Variants in HELZ observed in about 807,000 individuals in gnomAD.
HELZ encodes the protein helicase with zinc finger.
HELZ carries 23 observed loss-of-function variants against 218.2 expected under a neutral mutation model. That is an observed-to-expected ratio of 0.11 (90% confidence interval 0.08 to 0.15). HELZ has a LOEUF of 0.15. Ranked by LOEUF, HELZ falls within the 10% of genes least tolerant of loss-of-function variation. The probability of loss-of-function intolerance (pLI) is 1.00; values close to 1 mark genes in which losing one functional copy is unlikely to be tolerated. For missense variants in HELZ, 1,813 were observed against 2,353.7 expected, an observed-to-expected ratio of 0.77 and a Z score of 4.75; for synonymous variants, 814 against 829.4, an observed-to-expected ratio of 0.98 and a Z score of 0.32.
chr17:67,108,457 G>A lies in HELZ; in HGVS notation c.4724+35C>T, dbSNP rs1007291634. 9.4e-6 allele frequency: 14 copies of A among 1,483,150 alleles called. No homozygotes were observed. In the African/African-American group the frequency reaches 1.2e-4, roughly 13 times the overall value. 91.9% of individuals were successfully genotyped at this position (1,483,150 alleles called of 1,614,324 possible). A position where few individuals can be genotyped will look rare whatever the true frequency, so the allele number is the denominator to read the frequency against. On this transcript the variant is annotated intron_variant, in intron 30 of 32. Coordinates refer to ENST00000358691, the MANE Select transcript of HELZ (RefSeq NM_014877.4). The surrounding 1 kb of genome is among the most constrained non-coding windows in gnomAD (Gnocchi z 4.1). ...CAAAAAAGAGAACAGTGAGGGGGTC[G>A]CATTCCAGGGGCTATTTTCAGTCCG...
At chr17:67,171,838 T>G (rs986355728) in intron 13 of HELZ, among the ~76,000 whole-genome samples, 30 of 111,918 alleles carry the variant, frequency 2.7e-4, no homozygotes, top group African/African-American at 1.3e-3. Flanking sequence ...TTTTGTTTTG[T>G]TTTTTTTTTT....
chr17:67,237,290 A>C (rs987600576), intron 3 of HELZ, among the ~76,000 whole-genome samples: 1 of 152,190 alleles, frequency 6.6e-6, no homozygotes, highest in African/African-American at 2.4e-5. Context: ...GTCTCGAAAA[A>C]AAACAATTTT....
At chr17:67,180,770 C>T (rs1192084510) in intron 12 of HELZ, among the ~76,000 whole-genome samples, 12 of 148,822 alleles carry the variant, frequency 8.1e-5, no homozygotes, top group Non-Finnish European at 3.0e-5. Flanking sequence ...CCCAGCTACT[C>T]GGGAGGCTGA....
chr17:67,145,251 C>G (rs893522987), intron 21 of HELZ, among the ~76,000 whole-genome samples: 1 of 152,144 alleles, frequency 6.6e-6, no homozygotes, highest in Non-Finnish European at 1.5e-5. Flanking sequence ...CTTCAAACTA[C>G]TCACATGCTC....
chr17:67,245,050 G>C lies in HELZ; in HGVS notation c.-132+98C>G, dbSNP rs537585077. The stretch of plus-strand genomic sequence containing the variant: ...CTGCCCCGGGGCCGCCGCGCCCGGG[G>C]TCCGGGACACCGGAGGGGAGTCGGG... On this transcript the variant is annotated intron_variant, in intron 1 of 32. Coordinates refer to ENST00000358691, the MANE Select transcript of HELZ (RefSeq NM_014877.4). 402 of 984,804 alleles carry C rather than the reference G, an allele frequency of 4.1e-4. No individual in the cohort carries two copies. The South Asian group carries it at 5.9e-3, about 15-fold the overall frequency. The allele number at this position is 984,804 out of a possible 1,614,324, so 61.0% of individuals were successfully genotyped here.
rs2037138398 is a variant in HELZ, at chr17:67,107,405, G to A, written c.5005C>T (p.Leu1669Phe). 3 of 1,614,082 alleles carry A rather than the reference G, an allele frequency of 1.9e-6. No individual in the cohort carries two copies. Among genetic ancestry groups the A allele is most frequent in the East Asian group, 4.5e-5 (2 of 44,896 alleles). Residue 1669 changes from leucine (L) to phenylalanine (F), a missense_variant, in exon 31 of 33, where the codon CTT becomes TTT. Leu to Phe is a conservative substitution (Grantham distance 22, BLOSUM62 0). Coordinates refer to ENST00000358691, the MANE Select transcript of HELZ (RefSeq NM_014877.4). ...AGGTATTTCAAGGGAGGAGGGGCAA[G>A]GTGTTCAGATGGCAACGAGAAAGGT... ...NSPFSLPSEHLAPPPLKYLAP... is the reference protein window; with the variant it reads ...NSPFSLPSEHFAPPPLKYLAP...
Position 67,072,311 on chromosome 17 carries a change from G to A in HELZ, c.*5941C>T, listed in dbSNP as rs530118730. ...AGATCATGCCACTGTACTCCAGCCA[G>A]GGCAACAGAGCGAGACTCTGCCCCG... On this transcript the variant is annotated 3_prime_UTR_variant, in exon 33 of 33. Coordinates refer to ENST00000358691, the MANE Select transcript of HELZ (RefSeq NM_014877.4). 1 of 152,540 alleles carries A rather than the reference G, an allele frequency of 6.6e-6. No individual in the cohort carries two copies. Among genetic ancestry groups the A allele is most frequent in the Non-Finnish European group, 1.5e-5 (1 of 68,100 alleles). 9.4% of individuals were successfully genotyped at this position (152,540 alleles called of 1,614,324 possible). A position where few individuals can be genotyped will look rare whatever the true frequency, so the allele number is the denominator to read the frequency against.
At chr17:67,088,277 T>C (rs894128692) in intron 31 of HELZ, among the ~76,000 whole-genome samples, 1 of 152,238 alleles carries the variant, frequency 6.6e-6, no homozygotes, top group East Asian at 1.9e-4. Context: ...CTGTTCAGTC[T>C]GTGGTCAGTT....
intron 32 of HELZ, among the ~76,000 whole-genome samples, chr17:67,080,437 G>A (rs1183725847): frequency 1.3e-5 from 2 of 152,070 alleles, no homozygotes; most frequent in African/African-American, 4.8e-5. Flanking sequence ...GATAAATTCT[G>A]GATATTCTCA....
Position 67,203,360 on chromosome 17 carries a change from C to A in HELZ, c.331G>T (p.Val111Leu), listed in dbSNP as rs773614996. The A allele has an allele frequency of 4.3e-6, 7 of 1,614,120 alleles. No homozygotes were observed. Among genetic ancestry groups the A allele is most frequent in the Middle Eastern group, 3.3e-4 (2 of 6,060 alleles). The change falls in exon 6 of 33, where the codon GTA (valine) becomes TTA (leucine). Residue 111 changes from valine (V) to leucine (L), a missense_variant. Coordinates refer to ENST00000358691, the MANE Select transcript of HELZ (RefSeq NM_014877.4). Reference protein sequence around the residue: ...CMQLKGKLQPVSTILAKSLTG... With the variant: ...CMQLKGKLQPLSTILAKSLTG... ...AGTGACTTGGCAAGAATGGTGGATACAGGTTGGAGCTTCCCTTTCAGCTGC... is the reference window on the plus strand; with the variant it reads ...AGTGACTTGGCAAGAATGGTGGATAAAGGTTGGAGCTTCCCTTTCAGCTGC...
At chr17:67,245,393 T>C, upstream of HELZ, 3 of 826,528 alleles carry the variant, frequency 3.6e-6, no homozygotes, top group South Asian at 1.1e-4. Context: ...ACCCGCATTT[T>C]TAAAACGTGG....
chr17:67,139,760 A>G (rs2038264955), intron 21 of HELZ, among the ~76,000 whole-genome samples: 1 of 152,176 alleles, frequency 6.6e-6, no homozygotes, highest in Non-Finnish European at 1.5e-5. Context: ...CACAGCTCTT[A>G]CAGAACTGTT....
chr17:67,146,483 G>A lies in HELZ; in HGVS notation c.2622-593C>T, dbSNP rs547132683. On this transcript the variant is annotated intron_variant, in intron 20 of 32. Transcript: ENST00000358691. ...GGCTATGCCATCTAGGTTAGTGTAA[G>A]TTCACTCTGTGATGTTCACACAACA... Among the ~76,000 whole-genome samples the A allele has an allele frequency of 9.2e-5, 14 of 152,290 alleles. 1 individual carries two copies. In the South Asian group the frequency reaches 1.2e-3, roughly 14 times the overall value.
intron 32 of HELZ, among the ~76,000 whole-genome samples, chr17:67,085,078 G>A (rs1292511218): frequency 6.6e-6 from 1 of 151,960 alleles, no homozygotes; most frequent in Non-Finnish European, 1.5e-5. Context: ...CTACACTCTA[G>A]CCACGGTGAC....
At chr17:67,137,264 A>G (rs997302982) in intron 22 of HELZ, among the ~76,000 whole-genome samples, 3 of 152,150 alleles carry the variant, frequency 2.0e-5, no homozygotes, top group African/African-American at 7.2e-5. Context: ...TTCTCATGGC[A>G]GTGTCTTGAT....
intron 5 of HELZ, among the ~76,000 whole-genome samples, chr17:67,204,693 G>GT (rs1231319743): frequency 6.6e-6 from 1 of 151,866 alleles, no homozygotes; most frequent in Non-Finnish European, 1.5e-5. Context: ...ATTTGACAGG[G>GT]TTTTATTCAA....
In HELZ at chr17:67,093,894, T is replaced by C. The variant is rs923206011; in HGVS notation, c.5242-6813A>G. The stretch of plus-strand genomic sequence containing the variant: ...TTAGCCTTATAAAACTCAATCATAA[T>C]GACAGAAGCAAAAATTTATCTTAGT... On this transcript the variant is annotated intron_variant, in intron 31 of 32. Coordinates refer to ENST00000358691, the MANE Select transcript of HELZ (RefSeq NM_014877.4). Among the ~76,000 whole-genome samples the C allele has an allele frequency of 4.6e-5, 7 of 152,328 alleles. No individual in the cohort carries two copies. The South Asian group carries it at 1.5e-3, about 32-fold the overall frequency.
At chr17:67,151,965 T>C (rs749694108) in intron 17 of HELZ, among the ~76,000 whole-genome samples, 2 of 152,182 alleles carry the variant, frequency 1.3e-5, no homozygotes, top group African/African-American at 2.4e-5. Context: ...GCAGATCACA[T>C]AGGGCTTGTG....
intron 25 of HELZ, among the ~76,000 whole-genome samples, chr17:67,123,666 A>C (rs7210564): frequency 0.047 from 7,107 of 152,266 alleles, 525 homozygotes; most frequent in African/African-American, 0.16. Context: ...CTGAAAATTT[A>C]TGTTGCATAA....
Sources: gnomAD v4.1 joint callset for allele counts (sites outside exome capture counted in the v4.1 genomes callset) on GRCh38, gnomAD v4.1.1 for gene constraint, Gnocchi (gnomAD v3.1) non-coding constraint, MANE v1.5 for transcripts, NCBI Gene and HGNC (gene_info 2026-07-23, HGNC 2026-07-21) for gene names.